The following PGM2L1 variants were observed in gnomAD, a reference collection of about 807,000 sequenced individuals.
PGM2L1 encodes the protein glucose 1,6-bisphosphate synthase.
PGM2L1 carries 35 observed loss-of-function variants against 73.4 expected under a neutral mutation model. The observed-to-expected ratio is 0.48, with a 90% CI of 0.36 to 0.63. PGM2L1 has a LOEUF of 0.63. PGM2L1 is among the 30% of genes least tolerant of loss of function. PGM2L1 has a pLI of 0.00. For missense variants in PGM2L1, 570 were observed against 742.0 expected (o/e 0.77, Z 2.69); for synonymous variants, 225 against 253.8 (o/e 0.89, Z 1.08).
chr11:74,339,138 A>C (rs1265993504), intron 12 of PGM2L1, among the ~76,000 whole-genome samples: 1 of 152,166 alleles, frequency 6.6e-6, no homozygotes, highest in Admixed American at 6.5e-5. Flanking sequence ...ATTCAAGACA[A>C]TCAACTAAGT....
In PGM2L1 at chr11:74,398,082, G is replaced by A. The variant is rs753968949; in HGVS notation, c.80C>T (p.Thr27Met). ...CCAGCGGAGCCACTGCCCGATGGCC[G>A]TGTCCAGCTGAGGGTCCCCGGTGTG... Reference protein sequence around the residue: ...PYHTGDPQLDTAIGQWLRWDK... With the variant: ...PYHTGDPQLDMAIGQWLRWDK... The change falls in exon 1 of 14, where the codon ACG becomes ATG. Residue 27 changes from threonine to methionine, a missense_variant. Thr to Met is a moderately conservative substitution (Grantham distance 81). Transcript: ENST00000298198. 9 of 1,612,160 alleles carry A rather than the reference G, an allele frequency of 5.6e-6. No homozygotes were observed. Among genetic ancestry groups the A allele is most frequent in the South Asian group, 1.1e-5 (1 of 90,858 alleles).
At chr11:74,347,419 GA>G in intron 6 of PGM2L1, 82 bp from the exon 7 acceptor site, 1 of 1,180,434 alleles carries the variant, frequency 8.5e-7, no homozygotes, top group Non-Finnish European at 1.1e-6. Flanking sequence ...ATTCTGATTT[GA>G]AAATGTGATT....
intron 1 of PGM2L1, among the ~76,000 whole-genome samples, chr11:74,389,380 T>G (rs1399216706): frequency 6.6e-6 from 1 of 152,232 alleles, no homozygotes; most frequent in Non-Finnish European, 1.5e-5. Flanking sequence ...AAATTCCTTT[T>G]TATTAGATTA....
At chr11:74,343,132 C>T (rs921695885) in intron 10 of PGM2L1, 118 bp from the exon 11 acceptor site, 1 of 1,365,086 alleles carries the variant, frequency 7.3e-7, no homozygotes, top group Non-Finnish European at 9.9e-7. Context: ...TGAAACTCAT[C>T]AATACTGAGT....
chr11:74,351,831 A>G (rs1161261685), intron 5 of PGM2L1, among the ~76,000 whole-genome samples: 2 of 151,856 alleles, frequency 1.3e-5, no homozygotes, highest in South Asian at 2.1e-4. Context: ...GTGTGGTGGC[A>G]GGCGCCTGTA....
intron 9 of PGM2L1, among the ~76,000 whole-genome samples, chr11:74,343,966 G>A (rs571344702): frequency 2.5e-4 from 38 of 151,674 alleles, no homozygotes; most frequent in Non-Finnish European, 4.6e-4. Flanking sequence ...TAGTAGAGAC[G>A]GGGTTTCACC....
rs139200584 is a variant in PGM2L1, at chr11:74,354,367, T to C, written c.556-2791A>G. ...GTGAAAAATCTAGTTTAAAAAAACG[T>C]TTAGGTCAGCTTACTGCTTTCTGCC... is the stretch of plus-strand genomic sequence containing the variant. On this transcript the variant is annotated intron_variant, in intron 5 of 13. Transcript: ENST00000298198. 4.6e-3 allele frequency: 2,468 copies of C among 539,748 alleles called. 31 individuals carry two copies. The highest frequency in any genetic ancestry group is 0.035 in the Middle Eastern group (73 of 2,078). The allele number at this position is 539,748 out of a possible 1,614,324, so 33.4% of individuals were successfully genotyped here.
At chr11:74,394,233 A>ACTT in intron 1 of PGM2L1, among the ~76,000 whole-genome samples, 1 of 152,304 alleles carries the variant, frequency 6.6e-6, no homozygotes, top group South Asian at 2.1e-4. Flanking sequence ...TCTTCTTTTG[A>ACTT]CTTCTCCTAT....
chr11:74,348,840 A>G (rs1272075512), intron 6 of PGM2L1, among the ~76,000 whole-genome samples: 1 of 152,206 alleles, frequency 6.6e-6, no homozygotes. Context: ...TAAATAGGCA[A>G]CTGCATTTAG....
intron 1 of PGM2L1, among the ~76,000 whole-genome samples, chr11:74,381,338 C>G (rs899197019): frequency 6.6e-6 from 1 of 152,062 alleles, no homozygotes; most frequent in Non-Finnish European, 1.5e-5. Context: ...ACCTACTCCC[C>G]CACCACTCCT....
chr11:74,383,660 A>G (rs1409423736), intron 1 of PGM2L1, among the ~76,000 whole-genome samples: 1 of 151,364 alleles, frequency 6.6e-6, no homozygotes, highest in African/African-American at 2.4e-5. Context: ...ATGTGTTCTC[A>G]TTGTTCAGCT....
intron 9 of PGM2L1, among the ~76,000 whole-genome samples, chr11:74,344,658 T>C (rs1163786947): frequency 6.6e-6 from 1 of 152,210 alleles, no homozygotes. Flanking sequence ...TAGTGGTCTT[T>C]AGAATTGTTC....
chr11:74,385,596 C>A (rs1863006725), intron 1 of PGM2L1, among the ~76,000 whole-genome samples: 1 of 151,984 alleles, frequency 6.6e-6, no homozygotes. Flanking sequence ...TGAGTAGGAG[C>A]TTAAATAAGA....
chr11:74,389,836 G>A (rs1863067473), intron 1 of PGM2L1, among the ~76,000 whole-genome samples: 1 of 148,326 alleles, frequency 6.7e-6, no homozygotes, highest in Admixed American at 6.7e-5. Flanking sequence ...GGGTGCGGTG[G>A]CTCACGCCTG....
At chr11:74,395,543 G>A (rs1199521407) in intron 1 of PGM2L1, among the ~76,000 whole-genome samples, 2 of 126,276 alleles carry the variant, frequency 1.6e-5, no homozygotes, top group African/African-American at 6.2e-5. Context: ...GTGACACCTC[G>A]CCTGGCTTTT....
chr11:74,345,695 A>G, intron 8 of PGM2L1, 46 bp from the exon 9 acceptor site: 2 of 1,550,474 alleles, frequency 1.3e-6, no homozygotes, highest in South Asian at 2.3e-5. Flanking sequence ...TCTTCTCATT[A>G]AAACTTCTTG....
At position 74,332,935 on chromosome 11, in the gene PGM2L1, T is replaced by C. The variant is rs1448937651; in HGVS notation, c.*3717A>G. 1 of 152,426 alleles carries C rather than the reference T, an allele frequency of 6.6e-6. No homozygotes were observed. Among genetic ancestry groups the C allele is most frequent in the East Asian group, 1.9e-4 (1 of 5,206 alleles). The allele number at this position is 152,426 out of a possible 1,614,324, so 9.4% of individuals were successfully genotyped here. On this transcript the variant is annotated 3_prime_UTR_variant, in exon 14 of 14. Coordinates refer to ENST00000298198, the MANE Select transcript of PGM2L1 (RefSeq NM_173582.6). ...AAATTTTGTTCAAGTCTCACTTAAT[T>C]TGCCAGGTTAAATTAAAAATAACAG...
intron 1 of PGM2L1, among the ~76,000 whole-genome samples, chr11:74,378,258 C>T (rs541693233): frequency 1.3e-5 from 2 of 151,542 alleles, no homozygotes; most frequent in Non-Finnish European, 2.9e-5. Context: ...GCCGAGATTG[C>T]GCCACTGCAC....
intron 5 of PGM2L1, among the ~76,000 whole-genome samples, chr11:74,364,440 T>A (rs567577550): frequency 8.5e-4 from 129 of 152,342 alleles, no homozygotes; most frequent in African/African-American, 2.7e-3. Flanking sequence ...TGTTTGCACA[T>A]GACATGATTG....
Sources: allele counts gnomAD v4.1 joint callset (sites outside exome capture counted in the v4.1 genomes callset), GRCh38; gene constraint gnomAD v4.1.1; transcripts MANE v1.5; gene names NCBI Gene and HGNC (gene_info 2026-07-23, HGNC 2026-07-21).